The following DPF3 variants were observed in gnomAD, a reference collection of about 807,000 sequenced individuals.
DPF3 encodes double PHD fingers 3.
DPF3 carries 18 observed loss-of-function variants against 56.8 expected under a neutral mutation model. The observed-to-expected ratio is 0.32, with a 90% CI of 0.22 to 0.47. The LOEUF (loss-of-function observed/expected upper bound fraction) is 0.47. Ranked by LOEUF, DPF3 falls within the 20% of genes least tolerant of loss-of-function variation. The pLI is 1.00. For missense variants in DPF3, 403 were observed against 488.8 expected (o/e 0.82, Z 1.65); for synonymous variants, 188 against 180.2 (o/e 1.04, Z -0.35).
chr14:72,892,890 C>T (rs1199345021), intron 1 of DPF3, among the ~76,000 whole-genome samples: 1 of 151,998 alleles, frequency 6.6e-6, no homozygotes, highest in Non-Finnish European at 1.5e-5. Flanking sequence ...TCCGAGGCCA[C>T]CCCTGGCTCC....
chr14:72,792,023 C>G (rs901904600), intron 1 of DPF3, among the ~76,000 whole-genome samples: 4 of 152,206 alleles, frequency 2.6e-5, no homozygotes, highest in African/African-American at 9.6e-5. Flanking sequence ...TCACTTTGTC[C>G]AAGGACCATG....
chr14:72,672,658 G>A (rs912837123), intron 8 of DPF3, among the ~76,000 whole-genome samples: 3 of 152,098 alleles, frequency 2.0e-5, no homozygotes, highest in Non-Finnish European at 2.9e-5. Flanking sequence ...AAGAGGCTTT[G>A]CATAGAAAAA....
chr14:72,813,281 G>A (rs183091377), intron 1 of DPF3, among the ~76,000 whole-genome samples: 1 of 152,280 alleles, frequency 6.6e-6, no homozygotes, highest in East Asian at 1.9e-4. Flanking sequence ...TGGGTGGCAA[G>A]GCCGTGCTGC....
chr14:72,714,489 C>T lies in DPF3; in HGVS notation c.538G>A (p.Ala180Thr), dbSNP rs1235112453. The change falls in exon 6 of 11, where the codon GCA becomes ACA. Residue 180 changes from alanine (A) to threonine (T), a missense_variant. Ala to Thr is a moderately conservative substitution (Grantham distance 58). Around this residue, in one of 2 missense-constraint regions of DPF3, gnomAD observed 340 missense variants for 374.3 expected, o/e 0.91. Transcript: ENST00000556509. ...GCGTCGTGCCTCCTCCTGCCCCCTG[C>T]AGAGCCGCGAGCCTGGGGAGACATT... ...NRTRGRARGSAGGRRRHDAAS... is the reference protein window; with the variant it reads ...NRTRGRARGSTGGRRRHDAAS... The T allele has an allele frequency of 3.7e-6, 6 of 1,613,774 alleles. No homozygotes were observed. In the African/African-American group the frequency reaches 4.0e-5, roughly 11 times the overall value.
At chr14:72,777,625 G>A (rs1891797005) in intron 1 of DPF3, among the ~76,000 whole-genome samples, 1 of 152,174 alleles carries the variant, frequency 6.6e-6, no homozygotes, top group African/African-American at 2.4e-5. Flanking sequence ...CCTAGTGGGA[G>A]GTGTTTAGAT....
intron 1 of DPF3, among the ~76,000 whole-genome samples, chr14:72,801,193 G>T (rs1329883420): frequency 6.6e-6 from 1 of 152,232 alleles, no homozygotes; most frequent in African/African-American, 2.4e-5. Context: ...CACAGAAACA[G>T]AAGAAGCTAC....
intron 1 of DPF3, among the ~76,000 whole-genome samples, chr14:72,822,917 C>T (rs1883617882): frequency 6.6e-6 from 1 of 152,162 alleles, no homozygotes; most frequent in Admixed American, 6.5e-5. Flanking sequence ...AAATCCAAAA[C>T]TTTTTGAGCA....
At chr14:72,670,441 G>A in intron 8 of DPF3, 1 of 985,990 alleles carries the variant, frequency 1.0e-6, no homozygotes, top group Non-Finnish European at 1.2e-6. Context: ...CGACTTCTCT[G>A]GAACTACTGA....
At position 72,823,828 on chromosome 14, in the gene DPF3, G is replaced by A. The variant is rs191019987; in HGVS notation, c.33-51935C>T. Among the ~76,000 whole-genome samples the A allele has an allele frequency of 3.7e-4, 56 of 152,294 alleles. No individual in the cohort carries two copies. In the South Asian group the frequency reaches 9.3e-3, roughly 25 times the overall value. ...ATTCTTACCTTCATCTATGGGACAG[G>A]CACCCAGTGGCAATCATTGTGAGAA... On this transcript the variant is annotated intron_variant, in intron 1 of 10. Coordinates refer to ENST00000556509, the MANE Select transcript of DPF3 (RefSeq NM_001280542.3).
At position 72,723,760 on chromosome 14, in the gene DPF3, G is replaced by A. The variant is rs189083572; in HGVS notation, c.430-32C>T. ...TGAAAAAAAAAAATAGAAAAGGTGA[G>A]AAACGAAATGCAAAGGGAAAAACCA... On this transcript the variant is annotated intron_variant, in intron 4 of 10. Transcript: ENST00000556509. The A allele has an allele frequency of 2.6e-3, 4,034 of 1,547,264 alleles. 8 individuals are homozygous for A. Among genetic ancestry groups the A allele is most frequent in the Admixed American group, 4.6e-3 (218 of 47,126 alleles).
At chr14:72,662,486 G>C (rs778112927) in intron 8 of DPF3, 2 of 984,574 alleles carry the variant, frequency 2.0e-6, no homozygotes, top group Non-Finnish European at 2.4e-6. Flanking sequence ...CAGTTTGTTT[G>C]TGTTCAGTTA....
rs1567261275 is a variant in DPF3 at position 72,861,786 on chromosome 14, A to AGAAAGAAAGAAAGAAG, written c.32+32270_32+32271insCTTCTTTCTTTCTTTC. Among the ~76,000 whole-genome samples the AGAAAGAAAGAAAGAAG allele has an allele frequency of 4.0e-5, 6 of 151,090 alleles. No individual in the cohort carries two copies. The East Asian group carries it at 1.2e-3, about 30-fold the overall frequency. On this transcript the variant is annotated intron_variant, in intron 1 of 10. Transcript: ENST00000556509. ...AAGAAAGAAAGAAAGAAAGAAAGAA[A>AGAAAGAAAGAAAGAAG]GAAAGAAAGAAAGAAAGAAGGAAAG...
At chr14:72,723,013 T>G (rs1390731238) in intron 5 of DPF3, among the ~76,000 whole-genome samples, 1 of 151,796 alleles carries the variant, frequency 6.6e-6, no homozygotes, top group East Asian at 1.9e-4. Context: ...TTCTTTTTTT[T>G]TTTATAGTCA....
chr14:72,814,669 G>A (rs1458637255), intron 1 of DPF3, among the ~76,000 whole-genome samples: 1 of 152,128 alleles, frequency 6.6e-6, no homozygotes, highest in Non-Finnish European at 1.5e-5. Flanking sequence ...ATAAAAATTA[G>A]CTGGTCATGA....
chr14:72,814,843 G>A (rs73304132), intron 1 of DPF3, among the ~76,000 whole-genome samples: 8,916 of 151,990 alleles, frequency 0.059, 893 homozygotes, highest in African/African-American at 0.2. Context: ...GACATGGATC[G>A]TAGAGCTAAA....
At chr14:72,824,551 CTT>C (rs375498304) in intron 1 of DPF3, among the ~76,000 whole-genome samples, 4 of 143,244 alleles carry the variant, frequency 2.8e-5, no homozygotes, top group East Asian at 2.1e-4. Context: ...TTTTCTTTTT[CTT>C]TTTTTTTTTT....
At chr14:72,774,378 A>G (rs1054413577) in intron 1 of DPF3, among the ~76,000 whole-genome samples, 16 of 151,840 alleles carry the variant, frequency 1.1e-4, no homozygotes, top group African/African-American at 3.6e-4. Flanking sequence ...AGGAACCACC[A>G]TACTGTTTTT....
chr14:72,845,811 G>C (rs572020578), intron 1 of DPF3, among the ~76,000 whole-genome samples: 1 of 152,254 alleles, frequency 6.6e-6, no homozygotes, highest in South Asian at 2.1e-4. Flanking sequence ...AACGAGAAGG[G>C]TTCTCTTTTC....
In DPF3 at chr14:72,669,091, C is replaced by T. The variant is rs117527529; in HGVS notation, c.871+5149G>A. ...TCAAAACTGAGAATAAATGCCCAGG[C>T]GATCACATACACATCTCAAGCATGA... is the stretch of plus-strand genomic sequence containing the variant. On this transcript the variant is annotated intron_variant, in intron 8 of 10. Transcript: ENST00000556509. 8.3e-4 allele frequency among the ~76,000 whole-genome samples: 126 copies of T among 152,302 alleles called. 1 individual carries two copies. The East Asian group carries it at 8.7e-3, about 10-fold the overall frequency.
Sources: gnomAD v4.1 joint callset for allele counts (sites outside exome capture counted in the v4.1 genomes callset) on GRCh38, gnomAD v4.1.1 for gene constraint, gnomAD v4.1.1 regional missense constraint, MANE v1.5 for transcripts, NCBI Gene and HGNC (gene_info 2026-07-23, HGNC 2026-07-21) for gene names.